The following MDGA2 variants were observed in gnomAD, a reference collection of about 807,000 sequenced individuals.
The protein encoded by MDGA2 is MAM domain-containing glycosylphosphatidylinositol anchor protein 2.
MDGA2 carries 40 observed loss-of-function variants against 117.8 expected under a neutral mutation model. The ratio of observed to expected loss-of-function variants is 0.34; its 90% CI spans 0.26 to 0.44. The LOEUF (loss-of-function observed/expected upper bound fraction) is 0.44, where lower values mean the gene tolerates loss of function less well. Among genes scored for constraint, MDGA2 ranks in the 20% least tolerant of loss-of-function variants. The pLI is 1.00. For synonymous variants in MDGA2, 452 were observed against 439.0 expected (o/e 1.03, Z -0.37); for missense variants, 1,123 against 1,250.6 (o/e 0.90, Z 1.54).
intron 2 of MDGA2, among the ~76,000 whole-genome samples, chr14:47,224,461 C>A (rs1886411647): frequency 6.6e-6 from 1 of 150,942 alleles, no homozygotes; most frequent in Non-Finnish European, 1.5e-5. Context: ...TGTGTAGATG[C>A]AACAAACTCA....
intron 1 of MDGA2, among the ~76,000 whole-genome samples, chr14:47,605,573 T>C (rs1896727730): frequency 6.6e-6 from 1 of 152,082 alleles, no homozygotes; most frequent in Non-Finnish European, 1.5e-5. Context: ...CCAGCAAATA[T>C]TCAAGGCAGG....
chr14:47,426,486 A>G (rs1892692123), intron 1 of MDGA2, among the ~76,000 whole-genome samples: 1 of 151,938 alleles, frequency 6.6e-6, no homozygotes, highest in African/African-American at 2.4e-5. Flanking sequence ...CGTTTAACAA[A>G]AAGATAGCAA....
At chr14:47,330,134 C>T (rs1040124961) in intron 1 of MDGA2, among the ~76,000 whole-genome samples, 1 of 151,802 alleles carries the variant, frequency 6.6e-6, no homozygotes, top group African/African-American at 2.4e-5. Flanking sequence ...TCACAAGTAG[C>T]AATTTTAAAG....
chr14:47,221,967 A>T (rs1886321463), intron 2 of MDGA2, among the ~76,000 whole-genome samples: 1 of 151,876 alleles, frequency 6.6e-6, no homozygotes, highest in South Asian at 2.1e-4. Flanking sequence ...AACATTTAAA[A>T]CCTACTCTTT....
chr14:46,988,123 A>T lies in MDGA2; in HGVS notation c.1820-30480T>A, dbSNP rs1209361231. On this transcript the variant is annotated intron_variant, in intron 8 of 16. Transcript: ENST00000399232. Reference sequence around the variant, plus strand: ...TAGGATGGTACTAGCTAGCAGTGCCATATATGAATGTATGAGAAGGGTTGT... The same window carrying T: ...TAGGATGGTACTAGCTAGCAGTGCCTTATATGAATGTATGAGAAGGGTTGT... Among the ~76,000 whole-genome samples the T allele has an allele frequency of 7.2e-5, 11 of 152,024 alleles. No homozygotes were observed. In the East Asian group the frequency reaches 2.1e-3, roughly 29 times the overall value.
intron 1 of MDGA2, among the ~76,000 whole-genome samples, chr14:47,484,214 T>C (rs1894011215): frequency 6.6e-6 from 1 of 152,080 alleles, no homozygotes; most frequent in Non-Finnish European, 1.5e-5. Context: ...ATCAGAATTA[T>C]GATATAAAAA....
At chr14:47,664,308 T>C (rs566876724) in intron 1 of MDGA2, among the ~76,000 whole-genome samples, 2 of 152,310 alleles carry the variant, frequency 1.3e-5, no homozygotes, top group South Asian at 2.1e-4. Context: ...TTGGTCTCTG[T>C]TACCTTCTAG....
chr14:47,564,768 T>C (rs1895884552), intron 1 of MDGA2, among the ~76,000 whole-genome samples: 1 of 152,210 alleles, frequency 6.6e-6, no homozygotes, highest in African/African-American at 2.4e-5. Flanking sequence ...ACAGATTTGG[T>C]CTCTTTACAT....
chr14:47,454,920 G>A (rs1893317638), intron 1 of MDGA2, among the ~76,000 whole-genome samples: 1 of 152,182 alleles, frequency 6.6e-6, no homozygotes, highest in South Asian at 2.1e-4. Flanking sequence ...GGACTGTTGG[G>A]AAGATAGCAC....
At chr14:47,287,533 G>A (rs1160314405) in intron 2 of MDGA2, among the ~76,000 whole-genome samples, 1 of 152,080 alleles carries the variant, frequency 6.6e-6, no homozygotes, top group East Asian at 1.9e-4. Flanking sequence ...GCTTCACATA[G>A]TTTTCATATA....
intron 10 of MDGA2, among the ~76,000 whole-genome samples, chr14:46,911,252 A>T (rs972876238): frequency 6.6e-6 from 1 of 152,224 alleles, no homozygotes; most frequent in Non-Finnish European, 1.5e-5. Flanking sequence ...GGTTTCCAAA[A>T]CTTGAAGTCT....
At chr14:47,631,772 T>G (rs1405439505) in intron 1 of MDGA2, among the ~76,000 whole-genome samples, 2 of 152,196 alleles carry the variant, frequency 1.3e-5, no homozygotes, top group Non-Finnish European at 2.9e-5. Context: ...GCAAGCTTCT[T>G]GTCTTGCACA....
At chr14:47,441,596 A>G (rs1245961909) in intron 1 of MDGA2, among the ~76,000 whole-genome samples, 3 of 152,198 alleles carry the variant, frequency 2.0e-5, no homozygotes, top group Admixed American at 1.3e-4. Context: ...CAATAAGTAC[A>G]AGGTTATATT....
chr14:47,615,688 A>C (rs1247351853), intron 1 of MDGA2, among the ~76,000 whole-genome samples: 1 of 152,236 alleles, frequency 6.6e-6, no homozygotes, highest in Non-Finnish European at 1.5e-5. Flanking sequence ...GCAATCCTAA[A>C]GCCTCAATCT....
intron 10 of MDGA2, 62 bp downstream of exon 10, chr14:46,919,947 AATG>A: frequency 7.0e-6 from 10 of 1,421,262 alleles, no homozygotes; most frequent in Non-Finnish European, 9.3e-6. Context: ...CTCTTAGAAA[AATG>A]ATAACAACAA....
At position 47,079,762 on chromosome 14, in the gene MDGA2, C is replaced by T. The variant is rs951617809; in HGVS notation, c.1195+17092G>A. Among the ~76,000 whole-genome samples the T allele has an allele frequency of 9.1e-5, 8 of 87,472 alleles. No individual in the cohort carries two copies. The South Asian group carries it at 1.2e-3, about 13-fold the overall frequency. The allele number at this position is 87,472 out of a possible 152,430, so 57.4% of individuals were successfully genotyped here. On this transcript the variant is annotated intron_variant, in intron 6 of 16. Coordinates refer to ENST00000399232, the MANE Select transcript of MDGA2 (RefSeq NM_001113498.3). ...TTTTTTTTTTTTTGAGACAGAGTCT[C>T]GCTCTGTCGCCCAGGCTGGAGTGCA...
chr14:47,046,799 C>T (rs1165627151), intron 7 of MDGA2, among the ~76,000 whole-genome samples: 1 of 151,990 alleles, frequency 6.6e-6, no homozygotes, highest in Non-Finnish European at 1.5e-5. Flanking sequence ...TTCCCAAATT[C>T]CTACAGTTCT....
chr14:47,523,372 G>T (rs181023112), intron 1 of MDGA2, among the ~76,000 whole-genome samples: 2 of 152,226 alleles, frequency 1.3e-5, no homozygotes, highest in African/African-American at 4.8e-5. Flanking sequence ...TATTGACCCT[G>T]AATTATTATC....
chr14:47,463,923 T>C (rs1267576627), intron 1 of MDGA2, among the ~76,000 whole-genome samples: 2 of 152,158 alleles, frequency 1.3e-5, no homozygotes, highest in East Asian at 1.9e-4. Context: ...AAATATAGTA[T>C]TTTACTTCAT....
Sources: allele counts gnomAD v4.1 joint callset (sites outside exome capture counted in the v4.1 genomes callset), GRCh38; gene constraint gnomAD v4.1.1; transcripts MANE v1.5; gene names NCBI Gene and HGNC (gene_info 2026-07-23, HGNC 2026-07-21).